PRKAR1B: variants seen among roughly 807,000 people sequenced by gnomAD.
PRKAR1B encodes protein kinase cAMP-dependent type I regulatory subunit beta, also known as cAMP-dependent protein kinase type I-beta regulatory subunit.
In PRKAR1B, 22 loss-of-function variants were observed where a neutral mutation model predicts 46.5. The ratio of observed to expected loss-of-function variants is 0.47; its 90% CI spans 0.34 to 0.68. The LOEUF is 0.68. Ranked by LOEUF, PRKAR1B falls within the 30% of genes least tolerant of loss-of-function variation. The pLI is 0.01. For missense variants in PRKAR1B, 445 were observed against 535.6 expected, an observed-to-expected ratio of 0.83 and a Z score of 1.67; for synonymous variants, 259 against 217.7, an observed-to-expected ratio of 1.19 and a Z score of -1.67.
chr7:579,410 G>C (rs912942105), intron 8 of PRKAR1B, 33 bp from the exon 9 acceptor site: 2 of 1,609,360 alleles, frequency 1.2e-6, no homozygotes, highest in East Asian at 2.2e-5. Context: ...GGTCATCCCG[G>C]GGCCCACGCC....
chr7:574,972 A>G (rs1193523610), intron 9 of PRKAR1B, among the ~76,000 whole-genome samples: 1 of 152,188 alleles, frequency 6.6e-6, no homozygotes, highest in Non-Finnish European at 1.5e-5. Context: ...CGGGAGAGCC[A>G]CCGCCATTGC....
At chr7:668,654 C>A (rs539219093) in intron 4 of PRKAR1B, among the ~76,000 whole-genome samples, 4 of 152,166 alleles carry the variant, frequency 2.6e-5, no homozygotes, top group Non-Finnish European at 5.9e-5. Flanking sequence ...AGATGGAGGG[C>A]GCATGTCGTT....
chr7:641,775 CTG>C (rs944886298), intron 4 of PRKAR1B, among the ~76,000 whole-genome samples: 29 of 149,554 alleles, frequency 1.9e-4, no homozygotes, highest in South Asian at 4.1e-4. Flanking sequence ...CTTATTATCA[CTG>C]TGTTATTTTT....
intron 4 of PRKAR1B, among the ~76,000 whole-genome samples, chr7:662,877 G>A (rs563232734): frequency 3.9e-5 from 6 of 152,226 alleles, no homozygotes; most frequent in East Asian, 1.9e-4. Flanking sequence ...TCTCACCCTC[G>A]GAGCGGCCAC....
chr7:631,806 A>G (rs1783760970), intron 4 of PRKAR1B, among the ~76,000 whole-genome samples: 1 of 151,906 alleles, frequency 6.6e-6, no homozygotes, highest in Non-Finnish European at 1.5e-5. Flanking sequence ...AAAAATTGGA[A>G]ATTAGCCAGG....
intron 1 of PRKAR1B, chr7:712,447 TGCGCGGGGACGCGGG>T (rs1465171722): frequency 2.0e-4 from 29 of 147,328 alleles, no homozygotes; most frequent in African/African-American, 5.9e-4. Flanking sequence ...AGGAGGCGGC[TGCGCGGGGACGCGGG>T]GCGCGGGGAC....
chr7:709,027 A>C (rs1275375465), intron 2 of PRKAR1B, among the ~76,000 whole-genome samples: 1 of 143,570 alleles, frequency 7.0e-6, no homozygotes, highest in Non-Finnish European at 1.5e-5. Flanking sequence ...TCCTGACCTC[A>C]TGATCCACCT....
intron 9 of PRKAR1B, among the ~76,000 whole-genome samples, chr7:553,342 G>T (rs925826685): frequency 6.6e-6 from 1 of 152,196 alleles, no homozygotes; most frequent in Admixed American, 6.5e-5. Context: ...GACACTCCCC[G>T]AATTCCACTC....
At chr7:613,275 A>G (rs571927371) in intron 4 of PRKAR1B, among the ~76,000 whole-genome samples, 30 of 133,784 alleles carry the variant, frequency 2.2e-4, no homozygotes, top group African/African-American at 8.3e-4. Flanking sequence ...ACTGACGTGT[A>G]TTTTCTAATT....
chr7:645,772 G>A (rs374960949), intron 4 of PRKAR1B, among the ~76,000 whole-genome samples: 12 of 152,182 alleles, frequency 7.9e-5, no homozygotes, highest in Admixed American at 5.9e-4. Flanking sequence ...CCGGATGTGC[G>A]TCTACTGGGA....
At chr7:727,494 C>T (rs1051745772), upstream of PRKAR1B, 5 of 310,984 alleles carry the variant, frequency 1.6e-5, no homozygotes, top group African/African-American at 1.0e-4. Flanking sequence ...AAGCACCCCG[C>T]CCGGCCCCCT....
In PRKAR1B at chr7:625,782, G is replaced by T. The variant is rs908517349; in HGVS notation, c.441-18330C>A. Among the ~76,000 whole-genome samples the T allele has an allele frequency of 2.0e-5, 3 of 152,246 alleles. No homozygotes were observed. In the East Asian group the frequency reaches 5.8e-4, roughly 29 times the overall value. Reference sequence around the variant, plus strand: ...AGCATTTTGGGAGGCCGAGGCAGGAGATCACCTGAGGTCAGGAGTTCGAGC... The same window carrying T: ...AGCATTTTGGGAGGCCGAGGCAGGATATCACCTGAGGTCAGGAGTTCGAGC... On this transcript the variant is annotated intron_variant, in intron 4 of 10. Transcript: ENST00000537384.
At position 589,583 on chromosome 7, in the gene PRKAR1B, G is replaced by C. The variant is rs139839535; in HGVS notation, c.709-5015C>G. ...TGGAAGAAACAGAGGCTCAGGGTCG[G>C]TGTGGCCTGCCTATGCCCACCGAGC... is the stretch of plus-strand genomic sequence containing the variant. On this transcript the variant is annotated intron_variant, in intron 7 of 10. Coordinates refer to ENST00000537384, the MANE Select transcript of PRKAR1B (RefSeq NM_001164760.2). Among the ~76,000 whole-genome samples, 1,202 of 152,260 alleles carry C rather than the reference G, an allele frequency of 7.9e-3. 19 individuals are homozygous for C. The highest frequency in any genetic ancestry group is 0.028 in the African/African-American group (1,144 of 41,542).
chr7:624,712 AT>A (rs1424868723), intron 4 of PRKAR1B, among the ~76,000 whole-genome samples: 2 of 152,238 alleles, frequency 1.3e-5, no homozygotes, highest in African/African-American at 4.8e-5. Flanking sequence ...AAAATGGGTC[AT>A]AAGGCAAAAT....
chr7:629,066 G>A (rs992285638), intron 4 of PRKAR1B, among the ~76,000 whole-genome samples: 1 of 152,228 alleles, frequency 6.6e-6, no homozygotes, highest in African/African-American at 2.4e-5. Flanking sequence ...GACAGAGCCC[G>A]CTCCGTGCAG....
At chr7:598,242 A>G (rs1386800887) in intron 6 of PRKAR1B, among the ~76,000 whole-genome samples, 1 of 124,146 alleles carries the variant, frequency 8.1e-6, no homozygotes, top group Non-Finnish European at 1.7e-5. Context: ...TCCACACTAA[A>G]CACCATCACC....
chr7:682,971 T>C (rs143144372), intron 2 of PRKAR1B, among the ~76,000 whole-genome samples: 2 of 152,280 alleles, frequency 1.3e-5, no homozygotes, highest in Non-Finnish European at 2.9e-5. Flanking sequence ...TCCCCTGGCT[T>C]TCCTGCCGGT....
intron 4 of PRKAR1B, among the ~76,000 whole-genome samples, chr7:660,352 G>A (rs989831779): frequency 6.6e-6 from 1 of 151,918 alleles, no homozygotes; most frequent in Non-Finnish European, 1.5e-5. Flanking sequence ...CGCTCCAACG[G>A]GTCCAAATAC....
chr7:557,184 A>G (rs1036774247), intron 9 of PRKAR1B, among the ~76,000 whole-genome samples: 10 of 152,192 alleles, frequency 6.6e-5, no homozygotes, highest in Non-Finnish European at 1.2e-4. Context: ...CACCAGGATC[A>G]GCAGCCAAGG....
Sources: allele counts gnomAD v4.1 joint callset (sites outside exome capture counted in the v4.1 genomes callset), GRCh38; gene constraint gnomAD v4.1.1; transcripts MANE v1.5; gene names NCBI Gene and HGNC (gene_info 2026-07-23, HGNC 2026-07-21).